The following RTEL1 variants were observed in gnomAD, a reference collection of about 807,000 sequenced individuals.
The protein encoded by RTEL1 is regulator of telomere length.
Under a neutral mutation model 162.2 loss-of-function variants are expected in RTEL1, and 86 were observed. That is an observed-to-expected ratio of 0.53 (90% confidence interval 0.45 to 0.63). RTEL1 has a LOEUF of 0.63. RTEL1 is among the 30% of genes least tolerant of loss of function. The pLI is 0.00. For synonymous variants in RTEL1, 958 were observed against 717.9 expected (o/e 1.33, Z -5.35); for missense variants, 1,941 against 1,750.2 (o/e 1.11, Z -1.95).
intron 16 of RTEL1, chr20:63,686,733 C>G (rs2090603171): frequency 6.5e-6 from 1 of 153,000 alleles, no homozygotes; most frequent in African/African-American, 2.4e-5. Context: ...CGGTGATGGT[C>G]CTGCAGCAAG....
chr20:63,687,865 G>A, intron 17 of RTEL1, 72 bp from the exon 18 acceptor site: 1 of 1,577,998 alleles, frequency 6.3e-7, no homozygotes, highest in Non-Finnish European at 8.6e-7. Flanking sequence ...GGGTGCTGGG[G>A]GTCTCGGGCC....
In RTEL1 at chr20:63,695,067, G is replaced by A. The variant is rs752407024; in HGVS notation, c.3345G>A (p.Arg1115=). 5 of 1,612,172 alleles carry A rather than the reference G, an allele frequency of 3.1e-6. No individual in the cohort carries two copies. The highest frequency in any genetic ancestry group is 3.4e-6 in the Non-Finnish European group (4 of 1,179,758). ...AKPEDFPLLH[R]FSMFVRPHHK... The stretch of plus-strand genomic sequence containing the variant: ...GGGTCTGATTGAAGCTCCCCGCAGG[G>A]TTCAGCATGTTTGTGCGTCCACACC... Residue 1115 remains arginine, a splice_region_variant and synonymous_variant, in exon 33 of 35, where the codon AGG becomes AGA. Transcript: ENST00000360203.
Position 63,695,852 on chromosome 20 carries a change from C to T in RTEL1, c.3897C>T (p.Pro1299=), listed in dbSNP as rs771051288. 3 of 1,588,030 alleles carry T rather than the reference C, an allele frequency of 1.9e-6. No homozygotes were observed. Among genetic ancestry groups the T allele is most frequent in the South Asian group, 1.1e-5 (1 of 87,514 alleles). ...QSVMQVFWPE[P]Q Reference sequence around the variant, plus strand: ...TCATGCAGGTCTTCTGGCCAGAGCCCCAGTGAGTGCCCACGGAGGCCCCCA... The same window carrying T: ...TCATGCAGGTCTTCTGGCCAGAGCCTCAGTGAGTGCCCACGGAGGCCCCCA... The change falls in exon 35 of 35, where the codon CCC becomes CCT. Residue 1299 remains proline, a synonymous_variant. Coordinates refer to ENST00000360203, the MANE Select transcript of RTEL1 (RefSeq NM_001283009.2).
At chr20:63,693,069 C>T (rs2090798128) in intron 29 of RTEL1, 66 bp downstream of exon 29, 2 of 1,609,624 alleles carry the variant, frequency 1.2e-6, no homozygotes, top group Non-Finnish European at 1.7e-6. Flanking sequence ...GGGTGGGGGC[C>T]ATCTGGGTCC....
At chr20:63,663,043 T>C in intron 6 of RTEL1, 154 bp downstream of exon 6, 3 of 721,512 alleles carry the variant, frequency 4.2e-6, no homozygotes, top group Admixed American at 2.0e-5. Flanking sequence ...GGGCCACCCA[T>C]GTTAGACTTC....
rs2089975849 is a variant in RTEL1 at position 63,659,523 on chromosome 20, G to A, written c.102+19G>A. ...GCAGCAGGTAGAGCACAGGCCCCGA[G>A]GAAAGGACTGCGGGTGGGTGGAGCT... is the stretch of plus-strand genomic sequence containing the variant. On this transcript the variant is annotated intron_variant, in intron 2 of 34. Transcript: ENST00000360203. The A allele has an allele frequency of 6.4e-7, 1 of 1,573,258 alleles. No homozygotes were observed. Among genetic ancestry groups the A allele is most frequent in the South Asian group, 1.1e-5 (1 of 90,208 alleles).
At chr20:63,687,235 C>T (rs1459270666) in intron 16 of RTEL1, 2 of 189,556 alleles carry the variant, frequency 1.1e-5, no homozygotes, top group Admixed American at 5.5e-5. Context: ...GCTGGGAACT[C>T]GCACCCCGTC....
rs188372732 is a variant in RTEL1, at chr20:63,680,451, G to C, written c.1136-213G>C. ...TTCAAGTCCCACTGACCCCCTTGGA[G>C]ACTCTGTCCCTGCCTGGCTTCTCTC... On this transcript the variant is annotated intron_variant, in intron 13 of 34. Coordinates refer to ENST00000360203, the MANE Select transcript of RTEL1 (RefSeq NM_001283009.2). Among the ~76,000 whole-genome samples the C allele has an allele frequency of 1.0e-3, 153 of 152,350 alleles. 1 individual carries two copies. Among genetic ancestry groups the C allele is most frequent in the Middle Eastern group, 6.8e-3 (2 of 294 alleles).
At position 63,690,069 on chromosome 20, in the gene RTEL1, G is replaced by T; in HGVS notation, c.2142-18G>T. The T allele has an allele frequency of 1.2e-6, 2 of 1,608,374 alleles. No individual in the cohort carries two copies. The highest frequency in any genetic ancestry group is 2.2e-5 in the South Asian group (2 of 90,992). On this transcript the variant is annotated intron_variant, in intron 24 of 34. Transcript: ENST00000360203. ...AAGCGGCTGTGGGCAGGGCAGCAGG[G>T]CTATGGCCACCCCCCAGGTTCGCCT...
chr20:63,661,510 C>T lies in RTEL1; in HGVS notation c.301+14C>T, dbSNP rs1488895663. On this transcript the variant is annotated intron_variant, in intron 3 of 34. Transcript: ENST00000360203. This position sits in a 1 kb window ranked among gnomAD's most constrained non-coding sequence, Gnocchi z 5.1. ...GAGACCCCATAGGTGACCCTAGTTCCCAGGCCTCTCCTGGCCTCCTGTGGG... is the reference window on the plus strand; with the variant it reads ...GAGACCCCATAGGTGACCCTAGTTCTCAGGCCTCTCCTGGCCTCCTGTGGG... 1.2e-6 allele frequency: 2 copies of T among 1,603,366 alleles called. No homozygotes were observed. The highest frequency in any genetic ancestry group is 1.7e-6 in the Non-Finnish European group (2 of 1,177,926).
Position 63,662,850 on chromosome 20 carries a change from G to A in RTEL1, c.499G>A (p.Val167Met), listed in dbSNP as rs578196292. 130 of 1,613,988 alleles carry A rather than the reference G, an allele frequency of 8.1e-5. 2 individuals are homozygous for A. In the South Asian group the frequency reaches 1.4e-3, roughly 17 times the overall value. The change falls in exon 6 of 35, where the codon GTG (valine) becomes ATG (methionine). Residue 167 changes from valine (V) to methionine (M), a missense_variant. Physicochemically the swap from Val to Met is conservative, Grantham distance 21 (BLOSUM62 1). Transcript: ENST00000360203. Reference protein sequence around the residue: ...HLQIHLCRKKVASRSCHFYNN... With the variant: ...HLQIHLCRKKMASRSCHFYNN... ...ACAGATCCACTTGTGCCGTAAGAAG[G>A]TGGCAAGTCGCTCCTGTCATTTCTA...
At chr20:63,665,664 C>T (rs1264431270) in intron 6 of RTEL1, among the ~76,000 whole-genome samples, 1 of 152,086 alleles carries the variant, frequency 6.6e-6, no homozygotes, top group Non-Finnish European at 1.5e-5. Flanking sequence ...CTGTTCTTCC[C>T]TGCCCTGAGG....
In RTEL1 at chr20:63,689,658, A is replaced by T. The variant is rs770832240; in HGVS notation, c.2025+10A>T. On this transcript the variant is annotated intron_variant, in intron 23 of 34. Coordinates refer to ENST00000360203, the MANE Select transcript of RTEL1 (RefSeq NM_001283009.2). ...TGGGGCTGGGGGCCAGGTGAGTTAC[A>T]GCAGGGTGGGGCTGGGGTAAGGCGG... 7 of 1,609,676 alleles carry T rather than the reference A, an allele frequency of 4.3e-6. No individual in the cohort carries two copies. In the African/African-American group the frequency reaches 9.4e-5, roughly 22 times the overall value.
rs374540895 is a variant in RTEL1 at position 63,691,841 on chromosome 20, C to G, written c.2652+4C>G. 2 of 1,607,466 alleles carry G rather than the reference C, an allele frequency of 1.2e-6. No homozygotes were observed. The highest frequency in any genetic ancestry group is 2.2e-5 in the East Asian group (1 of 44,844). On this transcript the variant is annotated splice_donor_region_variant and intron_variant, in intron 28 of 34. Coordinates refer to ENST00000360203, the MANE Select transcript of RTEL1 (RefSeq NM_001283009.2). ...GATCCGGCTGGTCAGCCACCCGGTG[C>G]GTGAGCTGTCCCTGCACCTGTGCCG...
intron 30 of RTEL1, among the ~76,000 whole-genome samples, chr20:63,693,926 A>G (rs1166978051): frequency 6.6e-6 from 1 of 150,754 alleles, no homozygotes; most frequent in Non-Finnish European, 1.5e-5. Context: ...CCAGGGTCCT[A>G]GGGTCCTAGA....
rs113082272 is a variant in RTEL1 at position 63,669,684 on chromosome 20, A to G, written c.699+2131A>G. Among the ~76,000 whole-genome samples the G allele has an allele frequency of 4.1e-5, 6 of 147,840 alleles. 1 individual carries two copies. Among genetic ancestry groups the G allele is most frequent in the African/African-American group, 1.3e-4 (5 of 37,948 alleles). The stretch of plus-strand genomic sequence containing the variant: ...ATGGCCAGTTAACCACTGGGAGAGC[A>G]TCCGGACAGACGTTTCGCCAAGATG... On this transcript the variant is annotated intron_variant, in intron 8 of 34. Coordinates refer to ENST00000360203, the MANE Select transcript of RTEL1 (RefSeq NM_001283009.2).
rs2090476786 is a variant in RTEL1 at position 63,681,482 on chromosome 20, C to T, written c.1191+763C>T. The T allele has an allele frequency of 2.1e-5, 21 of 985,288 alleles. No homozygotes were observed. The South Asian group carries it at 8.9e-4, about 42-fold the overall frequency. 61.0% of individuals were successfully genotyped at this position (985,288 alleles called of 1,614,324 possible). ...GCTGTACCTGCTGGCCACACGAGAT[C>T]ATGGCAGGGTTAGGCAGGGCTGCCC... On this transcript the variant is annotated intron_variant, in intron 14 of 34. Coordinates refer to ENST00000360203, the MANE Select transcript of RTEL1 (RefSeq NM_001283009.2).
At position 63,659,395 on chromosome 20, in the gene RTEL1, A is replaced by G; in HGVS notation, c.-8A>G. On this transcript the variant is annotated 5_prime_UTR_variant, in exon 2 of 35. Coordinates refer to ENST00000360203, the MANE Select transcript of RTEL1 (RefSeq NM_001283009.2). Reference sequence around the variant, plus strand: ...CCACGCTCTGTGCCCTTCTGAGAACAGGCTGATATGCCCAAGATAGTCCTG... The same window carrying G: ...CCACGCTCTGTGCCCTTCTGAGAACGGGCTGATATGCCCAAGATAGTCCTG... 1 of 1,610,192 alleles carries G rather than the reference A, an allele frequency of 6.2e-7. No individual in the cohort carries two copies. The highest frequency in any genetic ancestry group is 8.5e-7 in the Non-Finnish European group (1 of 1,176,434).
chr20:63,689,351 T>A (rs1205987321), intron 22 of RTEL1, 151 bp from the exon 23 acceptor site: 1 of 968,608 alleles, frequency 1.0e-6, no homozygotes, highest in Admixed American at 2.9e-5. Flanking sequence ...GTCTGGGAGC[T>A]GTGGACCCCA....
Sources: allele counts gnomAD v4.1 joint callset (sites outside exome capture counted in the v4.1 genomes callset), GRCh38; gene constraint gnomAD v4.1.1; non-coding constraint Gnocchi (gnomAD v3.1); transcripts MANE v1.5; gene names NCBI Gene and HGNC (gene_info 2026-07-23, HGNC 2026-07-21).